The following DTNA variants were observed in gnomAD, a reference collection of about 807,000 sequenced individuals.
DTNA encodes dystrophin-related protein 3.
Under a neutral mutation model 100.7 loss-of-function variants are expected in DTNA, and 43 were observed. That is an observed-to-expected ratio of 0.43 (90% CI 0.33 to 0.55). The LOEUF (loss-of-function observed/expected upper bound fraction) is 0.55, where lower values mean the gene tolerates loss of function less well. Ranked by LOEUF, DTNA falls within the 20% of genes least tolerant of loss-of-function variation. The pLI is 0.04. For synonymous variants in DTNA, 349 were observed against 347.9 expected (o/e 1.00, Z -0.04); for missense variants, 798 against 953.9 (o/e 0.84, Z 2.15).
chr18:34,733,609 C>G (rs1601053806), intron 1 of DTNA, among the ~76,000 whole-genome samples: 2 of 152,168 alleles, frequency 1.3e-5, no homozygotes, highest in Non-Finnish European at 2.9e-5. Flanking sequence ...ATCTGACATA[C>G]AGAGAAGAGC....
chr18:34,792,109 T>C (rs1039393727), intron 3 of DTNA, among the ~76,000 whole-genome samples: 1 of 151,740 alleles, frequency 6.6e-6, no homozygotes, highest in African/African-American at 2.4e-5. Flanking sequence ...TTTTTTTTAG[T>C]TTAAGGATTT....
At chr18:34,494,051 G>C (rs1021648368) in intron 1 of DTNA, 1 of 151,162 alleles carries the variant, frequency 6.6e-6, no homozygotes, top group African/African-American at 2.4e-5. Context: ...GAAGGCCTTC[G>C]CAGCGCCGCA....
At chr18:34,577,453 A>T (rs987888489) in intron 1 of DTNA, among the ~76,000 whole-genome samples, 2 of 152,028 alleles carry the variant, frequency 1.3e-5, no homozygotes. Flanking sequence ...TTTATTTTTA[A>T]TTTTTTATTT....
chr18:34,591,402 A>C (rs1453255548), intron 1 of DTNA, among the ~76,000 whole-genome samples: 3 of 152,250 alleles, frequency 2.0e-5, no homozygotes, highest in Non-Finnish European at 4.4e-5. Flanking sequence ...ATACACTTGC[A>C]CATGAGCAGT....
intron 1 of DTNA, among the ~76,000 whole-genome samples, chr18:34,693,034 A>G (rs2080002760): frequency 6.6e-6 from 1 of 152,228 alleles, no homozygotes; most frequent in Non-Finnish European, 1.5e-5. Flanking sequence ...AGGGCCATGC[A>G]TAAGAATAAT....
chr18:34,854,670 C>A (rs2096531851), intron 15 of DTNA, among the ~76,000 whole-genome samples: 1 of 152,196 alleles, frequency 6.6e-6, no homozygotes, highest in African/African-American at 2.4e-5. Context: ...ATTCCATAAT[C>A]CCTTCTCCAT....
rs2095687191 is a variant in DTNA at position 34,820,462 on chromosome 18, C to T, written c.877-329C>T. Among the ~76,000 whole-genome samples the T allele has an allele frequency of 2.6e-5, 4 of 152,308 alleles. No homozygotes were observed. The South Asian group carries it at 8.3e-4, about 32-fold the overall frequency. On this transcript the variant is annotated intron_variant, in intron 8 of 22. Transcript: ENST00000444659. ...CTTTCCTCCCCAGAAGGGCTCCCTTCACTGTTGCTGCTTCCTCCATTCTCG... is the reference window on the plus strand; with the variant it reads ...CTTTCCTCCCCAGAAGGGCTCCCTTTACTGTTGCTGCTTCCTCCATTCTCG...
intron 7 of DTNA, 51 bp from the exon 8 acceptor site, chr18:34,818,113 C>G (rs369435061): frequency 6.2e-6 from 10 of 1,613,312 alleles, no homozygotes; most frequent in Admixed American, 3.3e-5. Context: ...TTTCCTTCTT[C>G]TGGTTCATAC....
At chr18:34,646,027 G>A (rs1239759327) in intron 1 of DTNA, among the ~76,000 whole-genome samples, 1 of 152,094 alleles carries the variant, frequency 6.6e-6, no homozygotes, top group Non-Finnish European at 1.5e-5. Context: ...TGCACTGACT[G>A]CATATGTACT....
chr18:34,558,686 A>G (rs1327918380), intron 1 of DTNA, among the ~76,000 whole-genome samples: 1 of 152,198 alleles, frequency 6.6e-6, no homozygotes, highest in African/African-American at 2.4e-5. Context: ...TGGTCCAGAA[A>G]GGTCTCTTTG....
intron 1 of DTNA, among the ~76,000 whole-genome samples, chr18:34,548,097 A>G (rs2044999704): frequency 6.6e-6 from 1 of 152,080 alleles, no homozygotes; most frequent in Non-Finnish European, 1.5e-5. Context: ...GGCTTAGGAG[A>G]TTTATTCTTG....
At chr18:34,652,796 C>T (rs574995724) in intron 1 of DTNA, among the ~76,000 whole-genome samples, 6 of 152,206 alleles carry the variant, frequency 3.9e-5, no homozygotes, top group African/African-American at 9.6e-5. Context: ...AACGTGAATC[C>T]GAAATCTCCA....
At chr18:34,637,031 C>T (rs2058738795) in intron 1 of DTNA, among the ~76,000 whole-genome samples, 2 of 152,094 alleles carry the variant, frequency 1.3e-5, no homozygotes, top group African/African-American at 4.8e-5. Context: ...TTGTTGGCAC[C>T]TGCCAGTTGC....
At chr18:34,494,101 T>C (rs1205215478) in intron 1 of DTNA, 1 of 151,672 alleles carries the variant, frequency 6.6e-6, no homozygotes, top group Non-Finnish European at 1.5e-5. Context: ...GGGGTGGCTA[T>C]GGCAGCCGGC....
intron 11 of DTNA, among the ~76,000 whole-genome samples, chr18:34,836,777 A>G (rs540779475): frequency 1.3e-5 from 2 of 152,188 alleles, no homozygotes; most frequent in African/African-American, 4.8e-5. Flanking sequence ...ACAAACATGC[A>G]TGTCTACTCT....
At chr18:34,868,519 T>C (rs901857088) in intron 17 of DTNA, 1 of 985,446 alleles carries the variant, frequency 1.0e-6, no homozygotes. Flanking sequence ...TATTTATGAG[T>C]GTTTCTCCCC....
At chr18:34,828,633 C>T (rs2095919042) in intron 10 of DTNA, among the ~76,000 whole-genome samples, 1 of 152,090 alleles carries the variant, frequency 6.6e-6, no homozygotes, top group South Asian at 2.1e-4. Context: ...TGTATGTGCC[C>T]ATCAACAGGA....
intron 1 of DTNA, among the ~76,000 whole-genome samples, chr18:34,570,224 G>A (rs556237113): frequency 3.3e-5 from 5 of 152,068 alleles, no homozygotes; most frequent in South Asian, 2.1e-4. Flanking sequence ...GAGTTTTTTC[G>A]TTCACATCTG....
chr18:34,549,680 T>A (rs1379770175), intron 1 of DTNA, among the ~76,000 whole-genome samples: 1 of 152,130 alleles, frequency 6.6e-6, no homozygotes, highest in Non-Finnish European at 1.5e-5. Context: ...TTGCAAGCTT[T>A]AATTGTTTTA....
Sources: gnomAD v4.1 joint callset for allele counts (sites outside exome capture counted in the v4.1 genomes callset) on GRCh38, gnomAD v4.1.1 for gene constraint, MANE v1.5 for transcripts, NCBI Gene and HGNC (gene_info 2026-07-23, HGNC 2026-07-21) for gene names.